PIAS1: variants seen among roughly 807,000 people sequenced by gnomAD.
PIAS1 encodes the protein protein inhibitor of activated STAT 1, also known as E3 SUMO-protein ligase PIAS1.
In PIAS1, 6 loss-of-function variants were observed where a neutral mutation model predicts 71.3. The ratio of observed to expected loss-of-function variants is 0.08; its 90% CI spans 0.05 to 0.17. PIAS1 has a LOEUF of 0.17. Among genes scored for constraint, PIAS1 ranks in the 10% least tolerant of loss-of-function variants. PIAS1 has a pLI of 1.00. For missense variants in PIAS1, 555 were observed against 793.6 expected, an observed-to-expected ratio of 0.70 and a Z score of 3.61; for synonymous variants, 303 against 292.9, an observed-to-expected ratio of 1.03 and a Z score of -0.35.
intron 2 of PIAS1, among the ~76,000 whole-genome samples, chr15:68,090,296 T>C (rs11856155): frequency 0.99 from 151,243 of 152,108 alleles, 75,200 homozygotes; most frequent in Middle Eastern, 1. Context: ...TTAACCTCCC[T>C]GGCTCATGCA....
chr15:68,089,629 A>G (rs978348041), intron 2 of PIAS1, among the ~76,000 whole-genome samples: 1 of 152,030 alleles, frequency 6.6e-6, no homozygotes, highest in African/African-American at 2.4e-5. Context: ...ATCTAGGCTC[A>G]CTGCAACCTC....
At chr15:68,172,834 C>G (rs1462078766) in intron 8 of PIAS1, among the ~76,000 whole-genome samples, 1 of 152,222 alleles carries the variant, frequency 6.6e-6, no homozygotes, top group East Asian at 1.9e-4. Flanking sequence ...CCTGGATAGA[C>G]TCAACCCGTG....
chr15:68,157,857 A>C (rs1363210022), intron 7 of PIAS1, among the ~76,000 whole-genome samples: 3 of 152,108 alleles, frequency 2.0e-5, no homozygotes, highest in Admixed American at 6.5e-5. Context: ...TGGTTCCTCA[A>C]ATTCAAGTAT....
intron 2 of PIAS1, among the ~76,000 whole-genome samples, chr15:68,124,987 G>A (rs902860980): frequency 8.5e-5 from 13 of 152,088 alleles, no homozygotes; most frequent in Admixed American, 2.0e-4. Context: ...CACTCCTACC[G>A]TATAATCTGT....
At chr15:68,097,257 A>G (rs1256986949) in intron 2 of PIAS1, among the ~76,000 whole-genome samples, 1 of 152,162 alleles carries the variant, frequency 6.6e-6, no homozygotes, top group Non-Finnish European at 1.5e-5. Context: ...CTTGATCATT[A>G]TGTAAAACCC....
intron 2 of PIAS1, among the ~76,000 whole-genome samples, chr15:68,115,972 G>A (rs2092561744): frequency 6.6e-6 from 1 of 151,954 alleles, no homozygotes; most frequent in Non-Finnish European, 1.5e-5. Context: ...TTCATGACAG[G>A]TAAATGGTTG....
chr15:68,175,483 T>G (rs530370572), intron 9 of PIAS1, among the ~76,000 whole-genome samples, 154 bp from the exon 10 acceptor site: 3 of 152,254 alleles, frequency 2.0e-5, no homozygotes, highest in Non-Finnish European at 4.4e-5. Context: ...ATGTCATTTT[T>G]CATGGTCACA....
chr15:68,151,707 C>CACACAA (rs140053964), intron 6 of PIAS1, among the ~76,000 whole-genome samples: 3,310 of 134,412 alleles, frequency 0.025, 77 homozygotes, highest in African/African-American at 0.059. Context: ...CACACACACA[C>CACACAA]AAATTAGCTA....
intron 1 of PIAS1, among the ~76,000 whole-genome samples, chr15:68,062,803 C>T (rs2091974844): frequency 6.6e-6 from 1 of 152,190 alleles, no homozygotes; most frequent in African/African-American, 2.4e-5. Flanking sequence ...TTTTCTAAAA[C>T]TGTGAGACCA....
chr15:68,098,195 A>G (rs910882483), intron 2 of PIAS1, among the ~76,000 whole-genome samples: 5 of 152,144 alleles, frequency 3.3e-5, no homozygotes, highest in South Asian at 2.1e-4. Context: ...ACTATAACCT[A>G]TTGTTTACCA....
At position 68,191,020 on chromosome 15, in the gene PIAS1, TC is replaced by T. The variant is rs1413345725; in HGVS notation, c.*3186del. The T allele has an allele frequency of 6.6e-6, 1 of 152,408 alleles. No homozygotes were observed. The highest frequency in any genetic ancestry group is 2.4e-5 in the African/African-American group (1 of 41,462). 9.4% of individuals were successfully genotyped at this position (152,408 alleles called of 1,614,324 possible). ...TTTCAATTTTAAACACATAAAACTT[TC>T]AAGATCTTCAGGACTTTTTAAAGCA... On this transcript the variant is annotated 3_prime_UTR_variant, in exon 14 of 14. Coordinates refer to ENST00000249636, the MANE Select transcript of PIAS1 (RefSeq NM_016166.3).
rs1172120545 is a variant in PIAS1, at chr15:68,173,514, T to C, written c.1009-218T>C. 1.3e-5 allele frequency among the ~76,000 whole-genome samples: 2 copies of C among 152,238 alleles called. No homozygotes were observed. Among genetic ancestry groups the C allele is most frequent in the Non-Finnish European group, 2.9e-5 (2 of 68,034 alleles). On this transcript the variant is annotated intron_variant, in intron 8 of 13. Transcript: ENST00000249636. This position sits in a 1 kb window ranked among gnomAD's most constrained non-coding sequence, Gnocchi z 4.3. ...AGTAAATAACCCTTGTTGTAGACTT[T>C]CCATAGTCATTTTGTTTGATAGCCA...
At chr15:68,159,865 CATATG>C (rs1187669431) in intron 7 of PIAS1, among the ~76,000 whole-genome samples, 1 of 152,146 alleles carries the variant, frequency 6.6e-6, no homozygotes, top group East Asian at 1.9e-4. Context: ...ATTGCTGGGT[CATATG>C]ATAAGTATAT....
chr15:68,075,770 A>G (rs2092156359), intron 1 of PIAS1, among the ~76,000 whole-genome samples: 1 of 146,360 alleles, frequency 6.8e-6, no homozygotes, highest in South Asian at 2.2e-4. Context: ...TTTGTAAGGA[A>G]TCATTCCTAG....
intron 8 of PIAS1, among the ~76,000 whole-genome samples, chr15:68,166,623 A>G (rs896908894): frequency 6.6e-6 from 1 of 152,194 alleles, no homozygotes; most frequent in South Asian, 2.1e-4. Flanking sequence ...TTTTTCTGCA[A>G]TCTCACTTAA....
At chr15:68,074,747 C>A (rs1246885702) in intron 1 of PIAS1, among the ~76,000 whole-genome samples, 1 of 150,454 alleles carries the variant, frequency 6.6e-6, no homozygotes, top group African/African-American at 2.4e-5. Context: ...CTTTTTTTTT[C>A]TTTTTGACAG....
In PIAS1 at chr15:68,171,216, AT is replaced by A. The variant is rs1338503466; in HGVS notation, c.1009-2515del. ...CAGTATCACTACTTTCCACCTCCAC[AT>A]CTTTTCCCACTGGAACGTCTTCAGT... is the stretch of plus-strand genomic sequence containing the variant. On this transcript the variant is annotated intron_variant, in intron 8 of 13. Coordinates refer to ENST00000249636, the MANE Select transcript of PIAS1 (RefSeq NM_016166.3). The surrounding 1 kb of genome is among the most constrained non-coding windows in gnomAD (Gnocchi z 4.4). 6.6e-6 allele frequency among the ~76,000 whole-genome samples: 1 copy of A among 152,044 alleles called. No individual in the cohort carries two copies. Among genetic ancestry groups the A allele is most frequent in the Non-Finnish European group, 1.5e-5 (1 of 68,016 alleles).
chr15:68,054,360 A>G lies in PIAS1; in HGVS notation c.24+10A>G. The G allele has an allele frequency of 6.4e-7, 1 of 1,572,260 alleles. No individual in the cohort carries two copies. The highest frequency in any genetic ancestry group is 1.4e-5 in the African/African-American group (1 of 73,752). On this transcript the variant is annotated intron_variant, in intron 1 of 13. Coordinates refer to ENST00000249636, the MANE Select transcript of PIAS1 (RefSeq NM_016166.3). This position sits in a 1 kb window ranked among gnomAD's most constrained non-coding sequence, Gnocchi z 4.6. ...CAGTGCGGAACTAAAGGTAAAGCGC[A>G]GCTCGAATTCACTTCTAATATTCGG...
In PIAS1 at chr15:68,125,633, A is replaced by G. The variant is rs185830497; in HGVS notation, c.470-16313A>G. Among the ~76,000 whole-genome samples the G allele has an allele frequency of 2.5e-3, 384 of 152,314 alleles. 1 individual carries two copies. Among genetic ancestry groups the G allele is most frequent in the Non-Finnish European group, 4.0e-3 (270 of 68,008 alleles). ...AATTTTCCTTTAGAATTTTGAAGGCATTAATTTTTCCATTGCCTTCTAATT... is the reference window on the plus strand; with the variant it reads ...AATTTTCCTTTAGAATTTTGAAGGCGTTAATTTTTCCATTGCCTTCTAATT... On this transcript the variant is annotated intron_variant, in intron 2 of 13. Transcript: ENST00000249636.
Sources: gnomAD v4.1 joint callset for allele counts (sites outside exome capture counted in the v4.1 genomes callset) on GRCh38, gnomAD v4.1.1 for gene constraint, Gnocchi (gnomAD v3.1) non-coding constraint, MANE v1.5 for transcripts, NCBI Gene and HGNC (gene_info 2026-07-23, HGNC 2026-07-21) for gene names.